The following IQCM variants were observed in gnomAD, a reference collection of about 807,000 sequenced individuals.
IQCM encodes IQ domain-containing protein M.
Under a neutral mutation model 57.6 loss-of-function variants are expected in IQCM, and 45 were observed. The observed-to-expected ratio is 0.78, with a 90% confidence interval of 0.62 to 1.00. The LOEUF is 1.00. Ranked by LOEUF, IQCM falls within the 50% of genes least tolerant of loss-of-function variation. IQCM has a pLI of 0.00. For synonymous variants in IQCM, 148 were observed against 158.9 expected (o/e 0.93, Z 0.51); for missense variants, 468 against 511.6 (o/e 0.91, Z 0.82).
chr4:149,403,841 A>G lies in IQCM; in HGVS notation c.1390+29555T>C, dbSNP rs572078435. 2.8e-4 allele frequency among the ~76,000 whole-genome samples: 43 copies of G among 152,176 alleles called. 1 individual carries two copies. The South Asian group carries it at 8.7e-3, about 31-fold the overall frequency. ...AGGTAGTTGATGTCACAGATAATACATTATGGAAAAGCAATTAAACATTTT... is the reference window on the plus strand; with the variant it reads ...AGGTAGTTGATGTCACAGATAATACGTTATGGAAAAGCAATTAAACATTTT... On this transcript the variant is annotated intron_variant, in intron 13 of 13. Transcript: ENST00000636793.
intron 8 of IQCM, among the ~76,000 whole-genome samples, chr4:149,601,959 C>T (rs936870243): frequency 1.0e-4 from 14 of 138,960 alleles, no homozygotes; most frequent in East Asian, 4.5e-4. Context: ...GAGGCTGAGG[C>T]GGGAGAATGG....
chr4:149,469,519 G>A (rs1739264006), intron 12 of IQCM, among the ~76,000 whole-genome samples: 1 of 152,156 alleles, frequency 6.6e-6, no homozygotes, highest in African/African-American at 2.4e-5. Flanking sequence ...AAAGTGACGG[G>A]GAGAATGGAA....
intron 12 of IQCM, among the ~76,000 whole-genome samples, chr4:149,515,664 C>T (rs943442151): frequency 3.3e-5 from 5 of 152,130 alleles, no homozygotes; most frequent in African/African-American, 9.7e-5. Flanking sequence ...GGAAATCTTC[C>T]GATTGGAGAG....
intron 12 of IQCM, among the ~76,000 whole-genome samples, chr4:149,445,756 T>C (rs1166959623): frequency 6.6e-6 from 1 of 151,796 alleles, no homozygotes; most frequent in Non-Finnish European, 1.5e-5. Context: ...GGGATCTTGA[T>C]TCCGATTTTT....
intron 9 of IQCM, among the ~76,000 whole-genome samples, chr4:149,576,261 C>T (rs1386685104): frequency 1.3e-5 from 2 of 151,646 alleles, no homozygotes; most frequent in Admixed American, 1.3e-4. Flanking sequence ...AAGTAATAAG[C>T]ACAGTACCCA....
At chr4:149,546,367 T>C (rs886380848) in intron 12 of IQCM, among the ~76,000 whole-genome samples, 13 of 152,238 alleles carry the variant, frequency 8.5e-5, no homozygotes, top group African/African-American at 3.1e-4. Context: ...ATGGTATTTC[T>C]AGTTCTAGAT....
chr4:149,788,340 CAAAAAACAA>C (rs1561276119), intron 2 of IQCM, among the ~76,000 whole-genome samples: 1 of 151,864 alleles, frequency 6.6e-6, no homozygotes, highest in Non-Finnish European at 1.5e-5. Context: ...TCTCAAAAAA[CAAAAAACAA>C]AAACAACAAA....
chr4:149,701,427 G>C (rs1234021911), intron 5 of IQCM, among the ~76,000 whole-genome samples: 1 of 151,942 alleles, frequency 6.6e-6, no homozygotes, highest in Non-Finnish European at 1.5e-5. Flanking sequence ...ACTAGGGCAG[G>C]GCCGCTAAAC....
chr4:149,554,993 C>T (rs936864672), intron 10 of IQCM, among the ~76,000 whole-genome samples: 4 of 152,118 alleles, frequency 2.6e-5, no homozygotes, highest in African/African-American at 9.7e-5. Flanking sequence ...GCCACTGCAC[C>T]CGGCCCATAT....
intron 12 of IQCM, among the ~76,000 whole-genome samples, chr4:149,459,745 G>T (rs990362799): frequency 4.6e-5 from 7 of 152,094 alleles, no homozygotes; most frequent in Admixed American, 2.0e-4. Context: ...ATTAATTTAT[G>T]TCGTAGTATA....
intron 13 of IQCM, among the ~76,000 whole-genome samples, chr4:149,405,768 T>C (rs1220560373): frequency 6.7e-6 from 1 of 150,002 alleles, no homozygotes; most frequent in Non-Finnish European, 1.5e-5. Context: ...TCAATAAATA[T>C]TTATTGATCA....
At chr4:149,528,257 A>T (rs567366707) in intron 12 of IQCM, among the ~76,000 whole-genome samples, 116 of 152,220 alleles carry the variant, frequency 7.6e-4, no homozygotes, top group Non-Finnish European at 7.5e-4. Context: ...AAGTGCTGGG[A>T]TTACAGGCGT....
At chr4:149,716,091 G>C (rs577030134) in intron 5 of IQCM, among the ~76,000 whole-genome samples, 1 of 152,186 alleles carries the variant, frequency 6.6e-6, no homozygotes, top group Non-Finnish European at 1.5e-5. Flanking sequence ...ACTGGGATCT[G>C]CCCCTTTCTG....
At chr4:149,466,125 T>A (rs752230104) in intron 12 of IQCM, among the ~76,000 whole-genome samples, 1 of 152,196 alleles carries the variant, frequency 6.6e-6, no homozygotes, top group Non-Finnish European at 1.5e-5. Context: ...CATTGCGACA[T>A]AGCTGTGAAC....
At chr4:149,539,439 G>A (rs1485194939) in intron 12 of IQCM, among the ~76,000 whole-genome samples, 2 of 152,122 alleles carry the variant, frequency 1.3e-5, no homozygotes, top group African/African-American at 4.8e-5. Flanking sequence ...TTGAGGTTAT[G>A]AAAATCTTTA....
intron 7 of IQCM, among the ~76,000 whole-genome samples, chr4:149,672,729 C>G (rs1761410991): frequency 6.6e-6 from 1 of 152,128 alleles, no homozygotes; most frequent in Non-Finnish European, 1.5e-5. Context: ...GAGAACTTCC[C>G]CAGCCTAGGA....
chr4:149,716,486 T>C (rs1765011502), intron 5 of IQCM, among the ~76,000 whole-genome samples: 1 of 152,140 alleles, frequency 6.6e-6, no homozygotes. Context: ...AGGTCCGCTG[T>C]TGCAGCTAGG....
At chr4:149,640,024 C>T (rs1758053829) in intron 7 of IQCM, among the ~76,000 whole-genome samples, 1 of 152,194 alleles carries the variant, frequency 6.6e-6, no homozygotes, top group African/African-American at 2.4e-5. Context: ...CTTTCACTAG[C>T]ACATGCAATA....
chr4:149,815,514 G>C (rs1054589239), intron 1 of IQCM, 86 bp downstream of exon 1: 4 of 148,896 alleles, frequency 2.7e-5, no homozygotes, highest in Admixed American at 2.6e-4. Context: ...AAAAAAAAAT[G>C]TGCCTTGCAG....
Sources: allele counts gnomAD v4.1 joint callset (sites outside exome capture counted in the v4.1 genomes callset), GRCh38; gene constraint gnomAD v4.1.1; transcripts MANE v1.5; gene names NCBI Gene and HGNC (gene_info 2026-07-23, HGNC 2026-07-21).